Variants in OTOG observed in about 807,000 individuals in gnomAD.
OTOG encodes otogelin.
A neutral mutation model predicts 313.8 loss-of-function variants in OTOG; 296 were observed. The observed-to-expected ratio is 0.94, with a 90% CI of 0.86 to 1.04. The LOEUF is 1.04. Ranked by LOEUF, OTOG falls within the 50% of genes least tolerant of loss-of-function variation. The probability of loss-of-function intolerance (pLI) is 0.00; values close to 1 mark genes in which losing one functional copy is unlikely to be tolerated. For missense variants in OTOG, 3,948 were observed against 3,840.1 expected, an observed-to-expected ratio of 1.03 and a Z score of -0.74; for synonymous variants, 1,533 against 1,554.9, an observed-to-expected ratio of 0.99 and a Z score of 0.33.
intron 39 of OTOG, among the ~76,000 whole-genome samples, chr11:17,619,696 T>G (rs1853815796): frequency 6.6e-6 from 1 of 152,206 alleles, no homozygotes; most frequent in Admixed American, 6.5e-5. Flanking sequence ...CACCAAGCCT[T>G]TGTGTTATTG....
Position 17,589,749 on chromosome 11 carries a change from C to T in OTOG, c.2868-1701C>T, listed in dbSNP as rs145221757. 5.6e-3 allele frequency among the ~76,000 whole-genome samples: 848 copies of T among 152,314 alleles called. 8 individuals are homozygous for T. The highest frequency in any genetic ancestry group is 5.9e-3 in the Non-Finnish European group (402 of 68,030). ...TCTCCCGTTCCCCTTTAAGCCCTTT[C>T]GGTCAGGCATTTTCCCCATCATTCC... On this transcript the variant is annotated intron_variant, in intron 24 of 55. Transcript: ENST00000399397.
chr11:17,620,700 G>C (rs1853842955), intron 39 of OTOG, among the ~76,000 whole-genome samples: 1 of 151,830 alleles, frequency 6.6e-6, no homozygotes, highest in African/African-American at 2.4e-5. Context: ...GTTATGATAG[G>C]CCTGGTAATT....
In OTOG at chr11:17,594,742, T is replaced by C. The variant is rs117788160; in HGVS notation, c.3408+576T>C. 6.1e-3 allele frequency among the ~76,000 whole-genome samples: 933 copies of C among 152,284 alleles called. 41 individuals are homozygous for C. The East Asian group carries it at 0.11, about 17-fold the overall frequency. On this transcript the variant is annotated intron_variant, in intron 28 of 55. Transcript: ENST00000399397. ...AGCTGTGGGGGAAACAGCACTGAGT[T>C]GAGAGCAGTAGACCTGGGTTCTTGT...
chr11:17,595,498 G>T (rs1425087602), intron 28 of OTOG, among the ~76,000 whole-genome samples: 2 of 152,180 alleles, frequency 1.3e-5, no homozygotes, highest in African/African-American at 2.4e-5. Context: ...GGCCTGACTT[G>T]GTTCCCTGCT....
Position 17,571,423 on chromosome 11 carries a change from C to G in OTOG, c.1956-657C>G, listed in dbSNP as rs1188570200. On this transcript the variant is annotated intron_variant, in intron 17 of 55. Coordinates refer to ENST00000399397, the MANE Select transcript of OTOG (RefSeq NM_001292063.2). Reference sequence around the variant, plus strand: ...CCAGAGAGACCATGACCTCCCTCCGCTCAACACCTACACCTGGGTTTGGTG... The same window carrying G: ...CCAGAGAGACCATGACCTCCCTCCGGTCAACACCTACACCTGGGTTTGGTG... Among the ~76,000 whole-genome samples the G allele has an allele frequency of 1.3e-5, 2 of 152,156 alleles. 1 individual carries two copies. Among genetic ancestry groups the G allele is most frequent in the Non-Finnish European group, 2.9e-5 (2 of 68,034 alleles).
intron 39 of OTOG, among the ~76,000 whole-genome samples, chr11:17,621,946 G>C (rs528104061): frequency 6.6e-6 from 1 of 152,152 alleles, no homozygotes; most frequent in African/African-American, 2.4e-5. Context: ...TAAGTCCTTC[G>C]TTTTTAACCT....
rs1853027634 is a variant in OTOG at position 17,594,086 on chromosome 11, A to T, written c.3328A>T (p.Thr1110Ser). 3 of 1,550,450 alleles carry T rather than the reference A, an allele frequency of 1.9e-6. No individual in the cohort carries two copies. The highest frequency in any genetic ancestry group is 2.6e-6 in the Non-Finnish European group (3 of 1,146,982). Residue 1110 changes from threonine (T) to serine (S), a missense_variant, in exon 28 of 56, where the codon ACC becomes TCC. Transcript: ENST00000399397. ...AGLCGNFDLK[T>S]INEMRTPENL... ...CCTCTGTGGGAACTTTGACTTAAAA[A>T]CCATCAATGAGATGAGGACCCCGGA...
In OTOG at chr11:17,610,432, C is replaced by G. The variant is rs374434360; in HGVS notation, c.5132C>G (p.Pro1711Arg). 4.9e-5 allele frequency: 76 copies of G among 1,550,468 alleles called. No homozygotes were observed. Among genetic ancestry groups the G allele is most frequent in the East Asian group, 2.7e-4 (11 of 40,912 alleles). ...GCAGCAGAACAGGTTCCTGTCAGTC[C>G]CCTTGCAACCAGGAGCTTGGAGATA... ...GTAAEQVPVS[P>R]LATRSLEIVL... Residue 1711 changes from proline (P) to arginine (R), a missense_variant, in exon 36 of 56, where the codon CCC (proline) becomes CGC (arginine). Physicochemically the swap from Pro to Arg is moderately radical, Grantham distance 103. Transcript: ENST00000399397.
At chr11:17,559,238 G>C (rs1051445876) in intron 11 of OTOG, 77 bp downstream of exon 11, 8 of 1,132,058 alleles carry the variant, frequency 7.1e-6, no homozygotes, top group African/African-American at 4.7e-5. Context: ...TCAATGTCTT[G>C]TCCTGCTCAG....
intron 13 of OTOG, 124 bp downstream of exon 13, chr11:17,560,941 G>A: frequency 8.5e-7 from 1 of 1,182,200 alleles, no homozygotes; most frequent in Admixed American, 2.0e-5. Context: ...TTGAGTCCCA[G>A]GGGAGTCTCA....
At chr11:17,575,038 G>A in intron 20 of OTOG, 126 bp downstream of exon 20, 1 of 962,958 alleles carries the variant, frequency 1.0e-6, no homozygotes, top group South Asian at 1.9e-5. Flanking sequence ...TTGCAGGCCA[G>A]ACCTTGGTGG....
chr11:17,570,354 G>A lies in OTOG; in HGVS notation c.1919G>A (p.Cys640Tyr), dbSNP rs1852378343. Residue 640 changes from cysteine to tyrosine, a missense_variant, in exon 17 of 56, where the codon TGC becomes TAC. By Grantham distance (194) the Cys-to-Tyr change is radical. Transcript: ENST00000399397. ...QRWVEDTVGL[C>Y]GTFNGNTQDD... ...TGGGTGGAGGATACCGTGGGCCTCT[G>A]CGGCACCTTCAATGGCAACACGCAG... 2 of 1,550,582 alleles carry A rather than the reference G, an allele frequency of 1.3e-6. No individual in the cohort carries two copies. The highest frequency in any genetic ancestry group is 1.7e-6 in the Non-Finnish European group (2 of 1,146,982).
At chr11:17,573,372 C>T in intron 19 of OTOG, 82 bp downstream of exon 19, 1 of 1,367,748 alleles carries the variant, frequency 7.3e-7, no homozygotes, top group Non-Finnish European at 9.7e-7. Context: ...AAAGTCTCCA[C>T]TGGGATGCCC....
chr11:17,555,795 AGTGT>A lies in OTOG; in HGVS notation c.559_562del (p.Cys187AlafsTer32). ...CCTACTCAGGTACACAATGACCCGC[AGTGT>A]GGCTCTTCACCCTACACCTGCTCCA... On this transcript the variant is annotated frameshift_variant, in exon 7 of 56. Transcript: ENST00000399397. LOFTEE classifies it high-confidence loss of function. 1 of 1,550,512 alleles carries A rather than the reference AGTGT, an allele frequency of 6.4e-7. No individual in the cohort carries two copies. Among genetic ancestry groups the A allele is most frequent in the Non-Finnish European group, 8.7e-7 (1 of 1,146,994 alleles).
At chr11:17,582,767 G>A (rs889762798) in intron 23 of OTOG, among the ~76,000 whole-genome samples, 1 of 152,126 alleles carries the variant, frequency 6.6e-6, no homozygotes, top group Non-Finnish European at 1.5e-5. Flanking sequence ...TCTTTGTGAA[G>A]TGTCTGTTCT....
At chr11:17,596,601 A>G (rs1853114947) in intron 29 of OTOG, among the ~76,000 whole-genome samples, 1 of 152,206 alleles carries the variant, frequency 6.6e-6, no homozygotes, top group African/African-American at 2.4e-5. Context: ...ACTCCTGTTC[A>G]GCCATTCTTG....
intron 7 of OTOG, 26 bp from the exon 8 acceptor site, chr11:17,557,092 C>T (rs1318649679): frequency 6.5e-7 from 1 of 1,545,892 alleles, no homozygotes; most frequent in Admixed American, 2.0e-5. Context: ...TGTGGATACC[C>T]TGAAGCTCTG....
intron 3 of OTOG, 108 bp from the exon 4 acceptor site, chr11:17,551,892 C>T (rs1348777557): frequency 4.2e-6 from 4 of 962,218 alleles, no homozygotes; most frequent in Admixed American, 4.1e-5. Flanking sequence ...GGCAGGGGCT[C>T]CTCCCTCTGG....
At position 17,631,356 on chromosome 11, in the gene OTOG, T is replaced by TTCTCTC. The variant is rs143019994; in HGVS notation, c.6713-328_6713-323dup. ...AGATTTGCCCCATTTGCTTCTCTCCTTCTCTCTCTCTCTCTCTCTCTCTGT... is the reference window on the plus strand; with the variant it reads ...AGATTTGCCCCATTTGCTTCTCTCCTTCTCTCTCTCTCTCTCTCTCTCTCTCTCTGT... On this transcript the variant is annotated intron_variant, in intron 40 of 55. Transcript: ENST00000399397. Among the ~76,000 whole-genome samples the TTCTCTC allele has an allele frequency of 0.042, 5,917 of 141,326 alleles. 439 individuals carry two copies. The highest frequency in any genetic ancestry group is 0.14 in the African/African-American group (5,080 of 36,056). 92.7% of individuals were successfully genotyped at this position (141,326 alleles called of 152,430 possible).
Sources: allele counts gnomAD v4.1 joint callset (sites outside exome capture counted in the v4.1 genomes callset), GRCh38; gene constraint gnomAD v4.1.1; transcripts MANE v1.5; gene names NCBI Gene and HGNC (gene_info 2026-07-23, HGNC 2026-07-21).